Variants in COL16A1 observed in about 807,000 individuals in gnomAD.
The protein encoded by COL16A1 is collagen alpha-1(XVI) chain.
Under a neutral mutation model 266.3 loss-of-function variants are expected in COL16A1, and 189 were observed. The ratio of observed to expected loss-of-function variants is 0.71; its 90% confidence interval spans 0.63 to 0.80. The LOEUF (loss-of-function observed/expected upper bound fraction) is 0.80. Among genes scored for constraint, COL16A1 ranks in the 30% least tolerant of loss-of-function variants. The pLI, the probability that COL16A1 is intolerant of heterozygous loss-of-function variation, is 0.00. For missense variants in COL16A1, 1,928 were observed against 2,122.4 expected, an observed-to-expected ratio of 0.91 and a Z score of 1.80; for synonymous variants, 740 against 782.3, an observed-to-expected ratio of 0.95 and a Z score of 0.90.
Position 31,657,214 on chromosome 1 carries a change from C to A in COL16A1, c.4021-146G>T. On this transcript the variant is annotated intron_variant, in intron 64 of 70. Coordinates refer to ENST00000373672, the MANE Select transcript of COL16A1 (RefSeq NM_001856.4). The surrounding 1 kb of genome is among the most constrained non-coding windows in gnomAD (Gnocchi z 6.4). ...CCCTCACCCTCTGACAATCTGGGCA[C>A]AGGCCGTGGAAACTTAGACCCCCAC... is the stretch of plus-strand genomic sequence containing the variant. 3.0e-6 allele frequency: 3 copies of A among 1,012,760 alleles called. No homozygotes were observed. The highest frequency in any genetic ancestry group is 4.5e-6 in the Non-Finnish European group (3 of 664,188). The allele number at this position is 1,012,760 out of a possible 1,614,324, so 62.7% of individuals were successfully genotyped here.
intron 26 of COL16A1, among the ~76,000 whole-genome samples, chr1:31,687,501 G>A (rs1644045785): frequency 1.3e-5 from 2 of 152,058 alleles, no homozygotes; most frequent in African/African-American, 4.8e-5. Context: ...GGCCAGAGGA[G>A]GTTCCACCAT....
chr1:31,697,854 C>G lies in COL16A1; in HGVS notation c.657+52G>C. On this transcript the variant is annotated intron_variant, in intron 6 of 70. Coordinates refer to ENST00000373672, the MANE Select transcript of COL16A1 (RefSeq NM_001856.4). This position sits in a 1 kb window ranked among gnomAD's most constrained non-coding sequence, Gnocchi z 4.2. ...TCCGATACGGATTCCAGGAAGCCCA[C>G]TCAGGTTCCCAGAAGGCAGGAACAG... 1 of 1,543,370 alleles carries G rather than the reference C, an allele frequency of 6.5e-7. No homozygotes were observed. Among genetic ancestry groups the G allele is most frequent in the South Asian group, 1.2e-5 (1 of 81,990 alleles).
At chr1:31,669,284 T>C (rs915145643) in intron 49 of COL16A1, among the ~76,000 whole-genome samples, 3 of 151,980 alleles carry the variant, frequency 2.0e-5, no homozygotes, top group African/African-American at 7.3e-5. Flanking sequence ...AAGTGTATCA[T>C]ATCATCAGAT....
intron 26 of COL16A1, among the ~76,000 whole-genome samples, chr1:31,686,652 C>T (rs140100223): frequency 9.0e-4 from 137 of 152,352 alleles, no homozygotes; most frequent in African/African-American, 2.4e-3. Flanking sequence ...AGCTTGCACA[C>T]GCAGAACTTT....
In COL16A1 at chr1:31,690,567, A is replaced by G. The variant is rs777069420; in HGVS notation, c.1444T>C (p.Ser482Pro). The G allele has an allele frequency of 1.1e-5, 17 of 1,613,334 alleles. No homozygotes were observed. The highest frequency in any genetic ancestry group is 1.7e-5 in the Admixed American group (1 of 59,936). ...PPGPKGDKGSSGIPGKEGPGG... is the reference protein window; with the variant it reads ...PPGPKGDKGSPGIPGKEGPGG... ...GGGCCTTCCTTTCCTGGGATCCCCG[A>G]GCTGCCCTGTGGTCAGAAGAAAGGA... The change falls in exon 21 of 71, where the codon TCG (serine) becomes CCG (proline). Residue 482 changes from serine (S) to proline (P), a missense_variant. By Grantham distance (74) the Ser-to-Pro change is moderately conservative. Around this residue, in one of 2 missense-constraint regions of COL16A1, gnomAD observed 1,552 missense variants for 1,637.2 expected, o/e 0.95. Coordinates refer to ENST00000373672, the MANE Select transcript of COL16A1 (RefSeq NM_001856.4).
intron 37 of COL16A1, among the ~76,000 whole-genome samples, chr1:31,682,237 C>T (rs1209661821): frequency 1.3e-5 from 2 of 152,052 alleles, no homozygotes; most frequent in Non-Finnish European, 2.9e-5. Context: ...TTAATCCGTG[C>T]AATTTGTTCA....
In COL16A1 at chr1:31,700,018, C is replaced by T. The variant is rs528561769; in HGVS notation, c.148+23G>A. On this transcript the variant is annotated intron_variant, in intron 3 of 70. Transcript: ENST00000373672. Reference sequence around the variant, plus strand: ...CCAGAGGAAGGTTGCAGGGACGGCGCGATGAGATGGTTGGGTGCTCACCAG... The same window carrying T: ...CCAGAGGAAGGTTGCAGGGACGGCGTGATGAGATGGTTGGGTGCTCACCAG... 4.3e-6 allele frequency: 7 copies of T among 1,613,782 alleles called. No individual in the cohort carries two copies. In the East Asian group the frequency reaches 6.7e-5, roughly 15 times the overall value.
chr1:31,655,341 A>G lies in COL16A1; in HGVS notation c.4263T>C (p.Pro1421=), dbSNP rs570978287. The G allele has an allele frequency of 6.2e-7, 1 of 1,613,656 alleles. No homozygotes were observed. Among genetic ancestry groups the G allele is most frequent in the East Asian group, 2.2e-5 (1 of 44,850 alleles). The change falls in exon 67 of 71, where the codon CCT becomes CCC. Residue 1421 remains proline (P), a synonymous_variant. Coordinates refer to ENST00000373672, the MANE Select transcript of COL16A1 (RefSeq NM_001856.4). ...TGGAGCCAGGCACACCAGGCAAGCC[A>G]GGGCTCCCCGAAGGCCCCGGAGCTC... is the stretch of plus-strand genomic sequence containing the variant. ...HPGAPGPSGS[P]GLPGVPGSMG... is the part of the protein sequence containing the mutation.
At chr1:31,667,723 C>A in intron 51 of COL16A1, 95 bp from the exon 52 acceptor site, 1 of 1,241,034 alleles carries the variant, frequency 8.1e-7, no homozygotes. Context: ...GGCACCCAGA[C>A]TGGCTCTGGG....
At position 31,679,866 on chromosome 1, in the gene COL16A1, G is replaced by C; in HGVS notation, c.2671-15C>G. On this transcript the variant is annotated splice_polypyrimidine_tract_variant and intron_variant, in intron 40 of 70. Transcript: ENST00000373672. Reference sequence around the variant, plus strand: ...CCCGGAGCACCCTGGGTGGGAGTGGGGGTCGCAAAAGAAGGGGAGAGGTTA... The same window carrying C: ...CCCGGAGCACCCTGGGTGGGAGTGGCGGTCGCAAAAGAAGGGGAGAGGTTA... 1 of 1,507,130 alleles carries C rather than the reference G, an allele frequency of 6.6e-7. No homozygotes were observed. Among genetic ancestry groups the C allele is most frequent in the Non-Finnish European group, 8.9e-7 (1 of 1,128,610 alleles). The allele number at this position is 1,507,130 out of a possible 1,614,324, so 93.4% of individuals were successfully genotyped here.
intron 16 of COL16A1, 112 bp from the exon 17 acceptor site, chr1:31,692,179 C>A: frequency 1.3e-6 from 2 of 1,523,994 alleles, no homozygotes; most frequent in Middle Eastern, 1.7e-4. Context: ...TCTGTCTCCC[C>A]TGAGGGTGAA....
intron 26 of COL16A1, among the ~76,000 whole-genome samples, chr1:31,687,838 G>A (rs967653937): frequency 2.6e-5 from 4 of 152,166 alleles, no homozygotes; most frequent in Admixed American, 1.3e-4. Flanking sequence ...TCACACTTGA[G>A]CACTCGTACA....
In COL16A1 at chr1:31,662,343, A is replaced by G. The variant is rs762866587; in HGVS notation, c.3672T>C (p.Pro1224=). Residue 1224 remains proline, a synonymous_variant, in exon 58 of 71, where the codon CCT becomes CCC. Transcript: ENST00000373672. ...CAGCCCATCATCTCACCCTCAAGCCAGGCTTGCCGTCCTTCCCATCCAAAC... is the reference window on the plus strand; with the variant it reads ...CAGCCCATCATCTCACCCTCAAGCCGGGCTTGCCGTCCTTCCCATCCAAAC... ...LDGLDGKDGK[P]GLRGDPGPAG... 2 of 1,508,696 alleles carry G rather than the reference A, an allele frequency of 1.3e-6. No individual in the cohort carries two copies. The highest frequency in any genetic ancestry group is 1.8e-6 in the Non-Finnish European group (2 of 1,108,336). The allele number at this position is 1,508,696 out of a possible 1,614,324, so 93.5% of individuals were successfully genotyped here.
In COL16A1 at chr1:31,670,746, T is replaced by G. The variant is rs1570426110; in HGVS notation, c.3151-100A>C. On this transcript the variant is annotated intron_variant, in intron 48 of 70. Coordinates refer to ENST00000373672, the MANE Select transcript of COL16A1 (RefSeq NM_001856.4). This position sits in a 1 kb window ranked among gnomAD's most constrained non-coding sequence, Gnocchi z 4.5. Reference sequence around the variant, plus strand: ...GCTTGGGGGTCATGGGGAGAGGAGGTCATGGGAGTATTTTCAAGGCAGCTG... The same window carrying G: ...GCTTGGGGGTCATGGGGAGAGGAGGGCATGGGAGTATTTTCAAGGCAGCTG... 2.3e-5 allele frequency: 21 copies of G among 903,878 alleles called. No homozygotes were observed. The highest frequency in any genetic ancestry group is 3.1e-5 in the Non-Finnish European group (20 of 650,258). The allele number at this position is 903,878 out of a possible 1,614,324, so 56.0% of individuals were successfully genotyped here.
At chr1:31,693,344 C>T in intron 12 of COL16A1, 190 bp from the exon 13 acceptor site, 1 of 600,864 alleles carries the variant, frequency 1.7e-6, no homozygotes. Flanking sequence ...CACACCTGTT[C>T]ATCCACATGC....
In COL16A1 at chr1:31,691,429, C is replaced by A; in HGVS notation, c.1386G>T (p.Leu462=). Residue 462 remains leucine, a synonymous_variant, in exon 19 of 71, where the codon CTG becomes CTT. Transcript: ENST00000373672. ...AGGGGGTACTCACCGGGGTCCCAGG[C>A]AGTCCTATCCCAGGGGGTCCAGGGA... ...PGLPGPPGIG[L]PGTPGDPGGP... 1 of 1,611,704 alleles carries A rather than the reference C, an allele frequency of 6.2e-7. No homozygotes were observed. Among genetic ancestry groups the A allele is most frequent in the Non-Finnish European group, 8.5e-7 (1 of 1,178,660 alleles).
At chr1:31,686,173 G>A (rs750996719) in intron 27 of COL16A1, 38 bp from the exon 28 acceptor site, 1 of 1,614,126 alleles carries the variant, frequency 6.2e-7, no homozygotes, top group Non-Finnish European at 8.5e-7. Context: ...CCCAGCATCT[G>A]CCAGGGCCAT....
chr1:31,666,068 G>A lies in COL16A1; in HGVS notation c.3371C>T (p.Ser1124Phe). 11 of 1,611,940 alleles carry A rather than the reference G, an allele frequency of 6.8e-6. No individual in the cohort carries two copies. The highest frequency in any genetic ancestry group is 9.3e-6 in the Non-Finnish European group (11 of 1,179,428). The change falls in exon 53 of 71, where the codon TCT (serine) becomes TTT (phenylalanine). Residue 1124 changes from serine to phenylalanine, a missense_variant. Physicochemically the swap from Ser to Phe is radical, Grantham distance 155 (BLOSUM62 -2). Around this residue, in one of 2 missense-constraint regions of COL16A1, gnomAD observed 1,552 missense variants for 1,637.2 expected, o/e 0.95. Coordinates refer to ENST00000373672, the MANE Select transcript of COL16A1 (RefSeq NM_001856.4). ...GEKGEPGPPG[S>F]EGLPGPPGPA... ...GCCTGGGGGGCCTGGGAGGCCTTCA[G>A]ATCCTGGGGGGCCCTAAGGATACAA...
Position 31,664,272 on chromosome 1 carries a change from C to T in COL16A1, c.3555+900G>A, listed in dbSNP as rs1570387122. The stretch of plus-strand genomic sequence containing the variant: ...TGGGGAGGTAGTGAGGTGCCCGGGT[C>T]CTCCTGGAGCTGGGAAGGAAGTCTC... On this transcript the variant is annotated intron_variant, in intron 56 of 70. Coordinates refer to ENST00000373672, the MANE Select transcript of COL16A1 (RefSeq NM_001856.4). This position sits in a 1 kb window ranked among gnomAD's most constrained non-coding sequence, Gnocchi z 5.5. 6.6e-6 allele frequency among the ~76,000 whole-genome samples: 1 copy of T among 152,310 alleles called. No individual in the cohort carries two copies. The highest frequency in any genetic ancestry group is 1.9e-4 in the East Asian group (1 of 5,180).
Sources: gnomAD v4.1 joint callset for allele counts (sites outside exome capture counted in the v4.1 genomes callset) on GRCh38, gnomAD v4.1.1 for gene constraint, gnomAD v4.1.1 regional missense constraint, Gnocchi (gnomAD v3.1) non-coding constraint, MANE v1.5 for transcripts, NCBI Gene and HGNC (gene_info 2026-07-23, HGNC 2026-07-21) for gene names.